EBF4: variants seen among roughly 807,000 people sequenced by gnomAD.
EBF4 encodes the protein transcription factor COE4.
In EBF4, 34 loss-of-function variants were observed where a neutral mutation model predicts 67.1. That is an observed-to-expected ratio of 0.51 (90% CI 0.39 to 0.67). The LOEUF (loss-of-function observed/expected upper bound fraction) is 0.67, where lower values mean the gene tolerates loss of function less well. Ranked by LOEUF, EBF4 falls within the 30% of genes least tolerant of loss-of-function variation. The pLI is 0.00. For missense variants in EBF4, 837 were observed against 873.3 expected, an observed-to-expected ratio of 0.96 and a Z score of 0.52; for synonymous variants, 387 against 377.7, an observed-to-expected ratio of 1.02 and a Z score of -0.29.
chr20:2,713,629 G>A (rs1421518496), intron 6 of EBF4, among the ~76,000 whole-genome samples: 1 of 152,220 alleles, frequency 6.6e-6, no homozygotes, highest in Non-Finnish European at 1.5e-5. Flanking sequence ...ACCAGAGTTA[G>A]AGGTTTGTCA....
At chr20:2,734,276 G>A (rs1215359091) in intron 6 of EBF4, among the ~76,000 whole-genome samples, 6 of 152,106 alleles carry the variant, frequency 3.9e-5, no homozygotes, top group Non-Finnish European at 7.4e-5. Context: ...GGGCATGGTG[G>A]CTCATACCTG....
chr20:2,698,410 T>C (rs1053413780), intron 1 of EBF4, among the ~76,000 whole-genome samples: 1 of 152,222 alleles, frequency 6.6e-6, no homozygotes, highest in African/African-American at 2.4e-5. Context: ...GTCTGCACCA[T>C]GGCCAGGGGC....
chr20:2,751,594 C>G lies in EBF4; in HGVS notation c.1019-106C>G. 2 of 1,170,928 alleles carry G rather than the reference C, an allele frequency of 1.7e-6. No individual in the cohort carries two copies. The highest frequency in any genetic ancestry group is 2.7e-5 in the South Asian group (2 of 73,484). 72.5% of individuals were successfully genotyped at this position (1,170,928 alleles called of 1,614,324 possible). A position where few individuals can be genotyped will look rare whatever the true frequency, so the allele number is the denominator to read the frequency against. On this transcript the variant is annotated intron_variant, in intron 10 of 16. Coordinates refer to ENST00000609451, the Ensembl canonical transcript of EBF4. This position sits in a 1 kb window ranked among gnomAD's most constrained non-coding sequence, Gnocchi z 5.2. Reference sequence around the variant, plus strand: ...CTGGGCCTGGTGGAGGGGGCTGCAGCGAGGCTCTCGGACTGGGCGCTGGCC... The same window carrying G: ...CTGGGCCTGGTGGAGGGGGCTGCAGGGAGGCTCTCGGACTGGGCGCTGGCC...
intron 15 of EBF4, among the ~76,000 whole-genome samples, chr20:2,757,793 A>G (rs1278235561): frequency 6.6e-6 from 1 of 152,088 alleles, no homozygotes; most frequent in Non-Finnish European, 1.5e-5. Flanking sequence ...AAAAAAATAG[A>G]AAAATGAGCT....
chr20:2,752,423 G>C, exon 14 of EBF4: 1 of 1,296,218 alleles, frequency 7.7e-7, no homozygotes, highest in Non-Finnish European at 9.8e-7. Context: ...TCGCAGCAGA[G>C]CGGCTACGGC....
At chr20:2,718,808 T>C (rs749840405) in intron 6 of EBF4, among the ~76,000 whole-genome samples, 1 of 152,184 alleles carries the variant, frequency 6.6e-6, no homozygotes, top group Non-Finnish European at 1.5e-5. Context: ...TTTCCTTTCT[T>C]CTGCTTACTT....
intron 6 of EBF4, among the ~76,000 whole-genome samples, chr20:2,714,144 G>A (rs1031506573): frequency 2.0e-5 from 3 of 152,090 alleles, no homozygotes; most frequent in Non-Finnish European, 4.4e-5. Flanking sequence ...TCGTGTAAGC[G>A]AACAGCAGTA....
intron 5 of EBF4, 134 bp from the exon 6 acceptor site, chr20:2,709,440 C>T: frequency 5.1e-6 from 4 of 778,452 alleles, no homozygotes; most frequent in Non-Finnish European, 7.6e-6. Context: ...GTGAGCCCCT[C>T]CAGCCCAGGG....
chr20:2,708,247 TC>T (rs2087487620), intron 5 of EBF4, among the ~76,000 whole-genome samples: 1 of 152,204 alleles, frequency 6.6e-6, no homozygotes, highest in Admixed American at 6.5e-5. Flanking sequence ...ATGTGGCTTC[TC>T]CGAGTGTTTT....
upstream of EBF4, chr20:2,693,076 G>C (rs1317842296): frequency 1.3e-5 from 2 of 158,512 alleles, no homozygotes; most frequent in African/African-American, 2.4e-5. The surrounding 1 kb of genome is among the most constrained non-coding windows in gnomAD (Gnocchi z 4.6). Context: ...GGCTGCTGCT[G>C]CTCCTGCCGC....
At chr20:2,734,134 G>A (rs566308831) in intron 6 of EBF4, among the ~76,000 whole-genome samples, 1 of 152,274 alleles carries the variant, frequency 6.6e-6, no homozygotes, top group African/African-American at 2.4e-5. Context: ...TATGCCAGCT[G>A]CAGTGGCTCA....
chr20:2,699,489 G>A (rs868716760), intron 1 of EBF4, among the ~76,000 whole-genome samples: 5 of 152,180 alleles, frequency 3.3e-5, no homozygotes, highest in Middle Eastern at 3.2e-3. Flanking sequence ...ATACAAAAGC[G>A]AGCATATTCT....
chr20:2,701,677 A>G (rs1445389651), intron 1 of EBF4, among the ~76,000 whole-genome samples: 1 of 151,718 alleles, frequency 6.6e-6, no homozygotes, highest in Non-Finnish European at 1.5e-5. Context: ...AGCACCCACC[A>G]CTCCTCTGGC....
chr20:2,716,161 G>A (rs925219010), intron 6 of EBF4, among the ~76,000 whole-genome samples: 4 of 151,248 alleles, frequency 2.6e-5, no homozygotes, highest in African/African-American at 9.7e-5. Flanking sequence ...AATTGAGGGT[G>A]CAGTGAGCCA....
At chr20:2,753,200 C>T (rs910422213) in intron 14 of EBF4, among the ~76,000 whole-genome samples, 1 of 152,224 alleles carries the variant, frequency 6.6e-6, no homozygotes, top group Non-Finnish European at 1.5e-5. Context: ...TAAGGTTGAT[C>T]TCGGATCTGA....
chr20:2,702,360 T>C (rs924061873), intron 1 of EBF4, among the ~76,000 whole-genome samples: 2 of 151,704 alleles, frequency 1.3e-5, no homozygotes, highest in African/African-American at 4.8e-5. Context: ...CCTAGGAGGT[T>C]GAGGCTGCAG....
intron 2 of EBF4, 52 bp downstream of exon 2, chr20:2,705,785 C>CCAAACACA (rs2087446237): frequency 1.5e-6 from 1 of 663,214 alleles, no homozygotes. Context: ...GAACCCCCAA[C>CCAAACACA]CACACACACA....
chr20:2,706,696 G>A (rs1384343386), intron 4 of EBF4, among the ~76,000 whole-genome samples: 2 of 152,156 alleles, frequency 1.3e-5, no homozygotes, highest in South Asian at 2.1e-4. Flanking sequence ...CATTGGCTGG[G>A]AACCACTCCT....
At position 2,693,907 on chromosome 20, in the gene EBF4, T is replaced by TCCCCGGCCCA. The variant is rs1429421368; in HGVS notation, c.137+131_137+140dup. On this transcript the variant is annotated intron_variant, in intron 1 of 16. Transcript: ENST00000609451. The surrounding 1 kb of genome is among the most constrained non-coding windows in gnomAD (Gnocchi z 4.6). ...CTAACTCTGGACGGTCCCGGCGAGC[T>TCCCCGGCCCA]CCCCGGCCCACCCCGTCCGGAGTGC... The TCCCCGGCCCA allele has an allele frequency of 1.4e-5, 17 of 1,189,354 alleles. No individual in the cohort carries two copies. Among genetic ancestry groups the TCCCCGGCCCA allele is most frequent in the South Asian group, 4.0e-5 (1 of 25,094 alleles). The allele number at this position is 1,189,354 out of a possible 1,614,324, so 73.7% of individuals were successfully genotyped here.
Sources: allele counts gnomAD v4.1 joint callset (sites outside exome capture counted in the v4.1 genomes callset), GRCh38; gene constraint gnomAD v4.1.1; non-coding constraint Gnocchi (gnomAD v3.1); transcripts MANE v1.5; gene names NCBI Gene and HGNC (gene_info 2026-07-23, HGNC 2026-07-21).